The following EXOC4 variants were observed in gnomAD, a reference collection of about 807,000 sequenced individuals.
EXOC4 encodes exocyst complex component 4, also known as SEC8-like 1.
A neutral mutation model predicts 107.2 loss-of-function variants in EXOC4; 71 were observed. The observed-to-expected ratio is 0.66, with a 90% confidence interval of 0.55 to 0.81. EXOC4 has a LOEUF of 0.81. Among genes scored for constraint, EXOC4 ranks in the 30% least tolerant of loss-of-function variants. EXOC4 has a pLI of 0.00. For synonymous variants in EXOC4, 456 were observed against 441.2 expected, an observed-to-expected ratio of 1.03 and a Z score of -0.42; for missense variants, 1,108 against 1,189.6, an observed-to-expected ratio of 0.93 and a Z score of 1.01.
intron 10 of EXOC4, among the ~76,000 whole-genome samples, chr7:133,656,949 G>A (rs892329963): frequency 6.6e-6 from 1 of 152,234 alleles, no homozygotes; most frequent in East Asian, 1.9e-4. Flanking sequence ...GGGAACAAAA[G>A]CTCATTTATC....
intron 11 of EXOC4, among the ~76,000 whole-genome samples, chr7:133,819,027 G>A (rs955885824): frequency 6.6e-6 from 1 of 152,108 alleles, no homozygotes; most frequent in African/African-American, 2.4e-5. Context: ...CTTCACTTTG[G>A]ATCATGGCCC....
intron 10 of EXOC4, among the ~76,000 whole-genome samples, chr7:133,683,727 ATG>A (rs1794236102): frequency 6.6e-6 from 1 of 152,108 alleles, no homozygotes; most frequent in Non-Finnish European, 1.5e-5. Flanking sequence ...CGGGGCACTC[ATG>A]TGAGATTGTA....
intron 9 of EXOC4, among the ~76,000 whole-genome samples, chr7:133,604,697 TC>T (rs1801888339): frequency 7.3e-6 from 1 of 136,994 alleles, no homozygotes; most frequent in African/African-American, 2.9e-5. Context: ...TTTCCTTCCT[TC>T]CTTCCTTCTT....
chr7:133,959,186 G>A (rs1800884110), intron 14 of EXOC4, among the ~76,000 whole-genome samples: 2 of 152,208 alleles, frequency 1.3e-5, no homozygotes, highest in South Asian at 4.2e-4. Flanking sequence ...AATGTTTGAG[G>A]AAACCTTATA....
At chr7:134,001,778 G>A (rs1027888836) in intron 15 of EXOC4, among the ~76,000 whole-genome samples, 8 of 152,206 alleles carry the variant, frequency 5.3e-5, no homozygotes, top group Non-Finnish European at 1.0e-4. Flanking sequence ...AGCCTGTGCT[G>A]ACCTGGCCTG....
intron 10 of EXOC4, among the ~76,000 whole-genome samples, chr7:133,670,526 G>C (rs972249030): frequency 6.6e-6 from 1 of 152,160 alleles, no homozygotes. Flanking sequence ...AACATTGAAG[G>C]CTACTTTGCC....
chr7:133,373,194 G>T (rs937724918), intron 6 of EXOC4, among the ~76,000 whole-genome samples: 8 of 152,114 alleles, frequency 5.3e-5, no homozygotes, highest in Non-Finnish European at 5.9e-5. Context: ...GTTTCAGTTG[G>T]TATGTTTAGA....
At chr7:134,093,773 C>A in the EXOC4 span, among the ~76,000 whole-genome samples, 1 of 152,028 alleles carries the variant, frequency 6.6e-6, no homozygotes, top group African/African-American at 2.4e-5. Context: ...CAAGAAGATT[C>A]TTCAAAACCA....
At chr7:134,068,858 C>T (rs930029617), downstream of EXOC4, among the ~76,000 whole-genome samples, 2 of 152,194 alleles carry the variant, frequency 1.3e-5, no homozygotes, top group Non-Finnish European at 2.9e-5. Context: ...AAGTCATATC[C>T]GTGAATTTCG....
chr7:133,500,150 A>G (rs182304935), intron 9 of EXOC4, among the ~76,000 whole-genome samples: 46 of 152,324 alleles, frequency 3.0e-4, no homozygotes, highest in African/African-American at 1.0e-3. Context: ...CTTTATTGAG[A>G]TAATTTCTAT....
intron 9 of EXOC4, among the ~76,000 whole-genome samples, chr7:133,501,823 G>GT (rs898531675): frequency 2.0e-5 from 3 of 152,040 alleles, no homozygotes; most frequent in African/African-American, 7.2e-5. Context: ...CACTTTTTTG[G>GT]TTTGACAGTA....
At chr7:133,808,862 G>T (rs1797146193) in intron 10 of EXOC4, among the ~76,000 whole-genome samples, 1 of 152,100 alleles carries the variant, frequency 6.6e-6, no homozygotes, top group African/African-American at 2.4e-5. Context: ...TGTGCAGAAA[G>T]TGTCATCAGA....
At chr7:134,067,977 G>C (rs191960158), downstream of EXOC4, among the ~76,000 whole-genome samples, 4 of 152,188 alleles carry the variant, frequency 2.6e-5, no homozygotes, top group African/African-American at 9.6e-5. Context: ...ATTAGACAAG[G>C]ATTGGTTCCT....
At chr7:133,698,879 T>C (rs930930851) in intron 10 of EXOC4, among the ~76,000 whole-genome samples, 3 of 152,154 alleles carry the variant, frequency 2.0e-5, no homozygotes, top group African/African-American at 7.2e-5. Context: ...AAGCTGACTG[T>C]AACAATAAAT....
intron 1 of EXOC4, 128 bp downstream of exon 1, chr7:133,253,315 C>A (rs1794935934): frequency 1.4e-6 from 2 of 1,442,714 alleles, no homozygotes; most frequent in Non-Finnish European, 1.8e-6. Flanking sequence ...CAGCCCCTCC[C>A]CAGGGCTCTA....
rs181908650 is a variant in EXOC4 at position 133,787,241 on chromosome 7, A to G, written c.1515-30084A>G. Among the ~76,000 whole-genome samples the G allele has an allele frequency of 1.2e-4, 16 of 136,454 alleles. No homozygotes were observed. In the East Asian group the frequency reaches 3.2e-3, roughly 27 times the overall value. 89.5% of individuals were successfully genotyped at this position (136,454 alleles called of 152,430 possible). A position where few individuals can be genotyped will look rare whatever the true frequency, so the allele number is the denominator to read the frequency against. ...GAGTGCAGTGGCAGGATCATAGCTC[A>G]CTGCAGCCTCTAACTCCTGGGCTGA... is the stretch of plus-strand genomic sequence containing the variant. On this transcript the variant is annotated intron_variant, in intron 10 of 17. Transcript: ENST00000253861.
intron 7 of EXOC4, among the ~76,000 whole-genome samples, chr7:133,424,690 T>C (rs1797685301): frequency 6.6e-6 from 1 of 152,230 alleles, no homozygotes; most frequent in Non-Finnish European, 1.5e-5. Flanking sequence ...ATTATTTTTA[T>C]TGTCAGAATA....
chr7:133,318,240 T>A (rs1289909295), intron 5 of EXOC4, among the ~76,000 whole-genome samples: 1 of 152,174 alleles, frequency 6.6e-6, no homozygotes, highest in East Asian at 1.9e-4. Context: ...ATATCCAATA[T>A]CCTATTGAAT....
chr7:133,500,680 T>C (rs1185032409), intron 9 of EXOC4, among the ~76,000 whole-genome samples: 1 of 152,216 alleles, frequency 6.6e-6, no homozygotes, highest in Non-Finnish European at 1.5e-5. Flanking sequence ...ATGGTTAGTG[T>C]ATGTTTAACT....
Sources: gnomAD v4.1 joint callset for allele counts (sites outside exome capture counted in the v4.1 genomes callset) on GRCh38, gnomAD v4.1.1 for gene constraint, MANE v1.5 for transcripts, NCBI Gene and HGNC (gene_info 2026-07-23, HGNC 2026-07-21) for gene names.